The following CAP2 variants were observed in gnomAD, a reference collection of about 807,000 sequenced individuals.
The protein encoded by CAP2 is cyclase associated actin cytoskeleton regulatory protein 2.
A neutral mutation model predicts 57.7 loss-of-function variants in CAP2; 24 were observed. The observed-to-expected ratio is 0.42, with a 90% CI of 0.30 to 0.58. The LOEUF (loss-of-function observed/expected upper bound fraction) is 0.58, where lower values mean the gene tolerates loss of function less well. Ranked by LOEUF, CAP2 falls within the 20% of genes least tolerant of loss-of-function variation. The pLI, the probability that CAP2 is intolerant of heterozygous loss-of-function variation, is 0.22. For synonymous variants in CAP2, 194 were observed against 207.2 expected, an observed-to-expected ratio of 0.94 and a Z score of 0.55; for missense variants, 501 against 590.3, an observed-to-expected ratio of 0.85 and a Z score of 1.57.
intron 4 of CAP2, among the ~76,000 whole-genome samples, chr6:17,489,442 CAAAACAAAAGAA>C (rs1033109319): frequency 3.9e-5 from 6 of 152,078 alleles, no homozygotes; most frequent in South Asian, 2.1e-4. Context: ...AGAAAACAAA[CAAAACAAAAGAA>C]AAAACAAAAG....
At chr6:17,480,715 G>A (rs1463576957) in intron 4 of CAP2, among the ~76,000 whole-genome samples, 3 of 151,388 alleles carry the variant, frequency 2.0e-5, no homozygotes, top group African/African-American at 7.3e-5. Flanking sequence ...TTCAATCTCA[G>A]TCCATTCTCC....
intron 4 of CAP2, among the ~76,000 whole-genome samples, chr6:17,471,503 C>A (rs951598759): frequency 3.3e-5 from 5 of 151,976 alleles, no homozygotes; most frequent in Non-Finnish European, 5.9e-5. Flanking sequence ...TTTCATTGAT[C>A]TTGGAAGTAG....
intron 3 of CAP2, among the ~76,000 whole-genome samples, chr6:17,457,672 C>T (rs899824939): frequency 6.6e-6 from 1 of 152,140 alleles, no homozygotes; most frequent in African/African-American, 2.4e-5. Flanking sequence ...GGGCCATTCT[C>T]CACCCCAACC....
chr6:17,453,893 T>A (rs1030642038), intron 3 of CAP2, among the ~76,000 whole-genome samples: 6 of 133,584 alleles, frequency 4.5e-5, no homozygotes, highest in Non-Finnish European at 9.1e-5. Context: ...GCTCTTTCTC[T>A]TTTTATTCTT....
rs181481865 is a variant in CAP2 at position 17,408,032 on chromosome 6, T to C, written c.-1-13523T>C. On this transcript the variant is annotated intron_variant, in intron 1 of 12. Transcript: ENST00000229922. ...GCTGAATCTTTTATTTAATTGCATA[T>C]AATTACAATGAATGCTGGTAAATTT... is the stretch of plus-strand genomic sequence containing the variant. 3.3e-5 allele frequency among the ~76,000 whole-genome samples: 5 copies of C among 152,304 alleles called. No individual in the cohort carries two copies. The East Asian group carries it at 9.6e-4, about 29-fold the overall frequency.
At chr6:17,447,291 A>T (rs1760287309) in intron 3 of CAP2, among the ~76,000 whole-genome samples, 1 of 152,106 alleles carries the variant, frequency 6.6e-6, no homozygotes, top group Admixed American at 6.6e-5. Context: ...AAATACTGGC[A>T]TTAGAGATTT....
At chr6:17,514,030 A>T in intron 7 of CAP2, 76 bp downstream of exon 7, 1 of 882,092 alleles carries the variant, frequency 1.1e-6, no homozygotes. Context: ...CAGTAATCTC[A>T]CACCTTAAAA....
At chr6:17,507,349 A>G in intron 5 of CAP2, 37 bp downstream of exon 5, 1 of 1,608,054 alleles carries the variant, frequency 6.2e-7, no homozygotes, top group South Asian at 1.1e-5. Context: ...TCACCTCATC[A>G]CACGTTTGGA....
intron 3 of CAP2, among the ~76,000 whole-genome samples, chr6:17,461,999 A>AAAAAAAAAAAAAAAAAAAAAAAAAC (rs1760741362): frequency 9.9e-6 from 1 of 101,312 alleles, no homozygotes; most frequent in Non-Finnish European, 1.7e-5. Flanking sequence ...TCTCAAAAAA[A>AAAAAAAAAAAAAAAAAAAAAAAAAC]AAAAAAAAAA....
chr6:17,524,740 T>C (rs1762463833), intron 7 of CAP2, among the ~76,000 whole-genome samples: 1 of 152,088 alleles, frequency 6.6e-6, no homozygotes, highest in African/African-American at 2.4e-5. Context: ...CTGGTGGGCA[T>C]GTCTTCTGGA....
At chr6:17,410,903 C>T (rs1006139478) in intron 1 of CAP2, among the ~76,000 whole-genome samples, 1 of 152,134 alleles carries the variant, frequency 6.6e-6, no homozygotes, top group African/African-American at 2.4e-5. Context: ...AGGCACAATC[C>T]TTTTTCATTT....
chr6:17,530,832 A>AT, intron 7 of CAP2: 1 of 572,160 alleles, frequency 1.7e-6, no homozygotes, highest in Non-Finnish European at 2.8e-6. Context: ...TTTTTTTTTC[A>AT]GTTTGAGAGC....
chr6:17,473,198 T>A (rs1761066497), intron 4 of CAP2, among the ~76,000 whole-genome samples: 1 of 152,170 alleles, frequency 6.6e-6, no homozygotes, highest in South Asian at 2.1e-4. Flanking sequence ...AAGGATAATA[T>A]CCTTTGTTTG....
intron 7 of CAP2, among the ~76,000 whole-genome samples, chr6:17,532,839 A>C (rs145323705): frequency 6.6e-6 from 1 of 151,658 alleles, no homozygotes; most frequent in East Asian, 1.9e-4. Flanking sequence ...TGAGGCAGGC[A>C]TAACACCTGA....
intron 2 of CAP2, among the ~76,000 whole-genome samples, chr6:17,424,085 T>G (rs979921743): frequency 2.6e-5 from 4 of 152,216 alleles, no homozygotes; most frequent in African/African-American, 9.6e-5. Flanking sequence ...ATTTTTTTTT[T>G]AATTTTAAAA....
At chr6:17,464,260 G>A (rs1760804619) in intron 4 of CAP2, among the ~76,000 whole-genome samples, 1 of 152,100 alleles carries the variant, frequency 6.6e-6, no homozygotes, top group African/African-American at 2.4e-5. Context: ...TAAATATTCT[G>A]CATCCGAAGT....
intron 4 of CAP2, among the ~76,000 whole-genome samples, chr6:17,506,656 C>T (rs565845876): frequency 6.0e-5 from 9 of 150,764 alleles, no homozygotes; most frequent in Non-Finnish European, 1.2e-4. Context: ...AAAAGGGTTG[C>T]GGGGGAGGCC....
intron 7 of CAP2, among the ~76,000 whole-genome samples, chr6:17,515,878 C>G (rs1014238698): frequency 6.6e-6 from 1 of 152,148 alleles, no homozygotes; most frequent in African/African-American, 2.4e-5. Context: ...TCTCTCACAT[C>G]CTCTCCCATG....
chr6:17,535,771 A>G (rs1200151354), intron 7 of CAP2, among the ~76,000 whole-genome samples: 1 of 152,190 alleles, frequency 6.6e-6, no homozygotes, highest in African/African-American at 2.4e-5. Context: ...TATGGTTGTC[A>G]TAATTAAGAT....
Sources: allele counts gnomAD v4.1 joint callset (sites outside exome capture counted in the v4.1 genomes callset), GRCh38; gene constraint gnomAD v4.1.1; transcripts MANE v1.5; gene names NCBI Gene and HGNC (gene_info 2026-07-23, HGNC 2026-07-21).